Variants in RB1CC1 observed in about 807,000 individuals in gnomAD.
The protein encoded by RB1CC1 is RB1-inducible coiled-coil protein 1.
In RB1CC1, 46 loss-of-function variants were observed where a neutral mutation model predicts 177.5. The observed-to-expected ratio is 0.26, with a 90% CI of 0.20 to 0.33. The LOEUF is 0.33. RB1CC1 is among the 10% of genes least tolerant of loss of function. RB1CC1 has a pLI of 1.00. For synonymous variants in RB1CC1, 666 were observed against 613.6 expected (o/e 1.09, Z -1.26); for missense variants, 1,703 against 1,816.3 (o/e 0.94, Z 1.13).
At chr8:52,705,670 A>G (rs768773684) in intron 1 of RB1CC1, among the ~76,000 whole-genome samples, 3 of 152,190 alleles carry the variant, frequency 2.0e-5, no homozygotes, top group Non-Finnish European at 4.4e-5. Context: ...ATGAATTTAA[A>G]AACTATCAAT....
At chr8:52,683,414 TA>T (rs1184977861) in intron 5 of RB1CC1, 134 bp downstream of exon 5, 1 of 749,910 alleles carries the variant, frequency 1.3e-6, no homozygotes, top group African/African-American at 1.8e-5. Flanking sequence ...TAAAACTAGA[TA>T]TATTAACCGG....
In RB1CC1 at chr8:52,671,717, T is replaced by C. The variant is rs1341301583; in HGVS notation, c.1002+2128A>G. ...TATATTTTTTAACTTCAAACATTTA[T>C]TTTAAATTCTGGCATACACGTGCAG... On this transcript the variant is annotated intron_variant, in intron 7 of 23. Transcript: ENST00000025008. Among the ~76,000 whole-genome samples, 3 of 152,336 alleles carry C rather than the reference T, an allele frequency of 2.0e-5. No homozygotes were observed. In the East Asian group the frequency reaches 5.8e-4, roughly 29 times the overall value.
chr8:52,629,191 A>T (rs1848591947), intron 21 of RB1CC1, among the ~76,000 whole-genome samples: 2 of 152,240 alleles, frequency 1.3e-5, no homozygotes, highest in Non-Finnish European at 2.9e-5. Flanking sequence ...AATCACAGAT[A>T]TCTGACAACC....
At chr8:52,646,281 G>C (rs1850024696) in intron 15 of RB1CC1, among the ~76,000 whole-genome samples, 1 of 152,020 alleles carries the variant, frequency 6.6e-6, no homozygotes, top group African/African-American at 2.4e-5. Context: ...TGGCAACAAA[G>C]TGAGACCCCG....
At chr8:52,706,877 G>T (rs1459024047) in intron 1 of RB1CC1, among the ~76,000 whole-genome samples, 1 of 152,024 alleles carries the variant, frequency 6.6e-6, no homozygotes, top group Non-Finnish European at 1.5e-5. Flanking sequence ...GGCCAGGCTG[G>T]TCTCAAACTC....
Position 52,702,532 on chromosome 8 carries a change from A to G in RB1CC1, c.-167+11543T>C, listed in dbSNP as rs912459990. 6.6e-5 allele frequency among the ~76,000 whole-genome samples: 10 copies of G among 152,118 alleles called. No homozygotes were observed. In the East Asian group the frequency reaches 1.9e-3, roughly 29 times the overall value. On this transcript the variant is annotated intron_variant, in intron 1 of 23. Coordinates refer to ENST00000025008, the MANE Select transcript of RB1CC1 (RefSeq NM_014781.5). ...AGGAGTTCGAGACTGCCTGGCCAAC[A>G]TGGTGAAACCCCATCTCTACTGAAA...
At chr8:52,690,306 A>C (rs895043517) in intron 1 of RB1CC1, among the ~76,000 whole-genome samples, 7 of 152,226 alleles carry the variant, frequency 4.6e-5, no homozygotes, top group African/African-American at 1.7e-4. Context: ...ATATTCCTTC[A>C]TTCATTCATT....
At chr8:52,710,218 TGAGTAG>T (rs1256603945) in intron 1 of RB1CC1, among the ~76,000 whole-genome samples, 1 of 152,078 alleles carries the variant, frequency 6.6e-6, no homozygotes, top group East Asian at 1.9e-4. Flanking sequence ...GAATGAAAGA[TGAGTAG>T]GTCAGGCATT....
intron 1 of RB1CC1, among the ~76,000 whole-genome samples, chr8:52,687,947 C>A (rs940943361): frequency 5.3e-5 from 8 of 152,156 alleles, no homozygotes; most frequent in African/African-American, 1.4e-4. Flanking sequence ...AACAGAGCGA[C>A]CAGCTGGAGC....
At chr8:52,632,408 A>T (rs1240248712) in intron 20 of RB1CC1, among the ~76,000 whole-genome samples, 1 of 152,234 alleles carries the variant, frequency 6.6e-6, no homozygotes, top group Non-Finnish European at 1.5e-5. Context: ...AATAATAACT[A>T]GGAAGGCCTA....
chr8:52,669,124 T>C (rs1852333059), intron 7 of RB1CC1, among the ~76,000 whole-genome samples: 1 of 152,216 alleles, frequency 6.6e-6, no homozygotes, highest in Non-Finnish European at 1.5e-5. Context: ...AACATCTACA[T>C]TTGGGTAGCA....
At chr8:52,647,988 C>T (rs998668992) in intron 15 of RB1CC1, among the ~76,000 whole-genome samples, 2 of 152,042 alleles carry the variant, frequency 1.3e-5, no homozygotes, top group Non-Finnish European at 1.5e-5. Flanking sequence ...CATGCACAGG[C>T]AGTACTTATA....
intron 1 of RB1CC1, among the ~76,000 whole-genome samples, chr8:52,709,773 C>T (rs573380094): frequency 1.3e-5 from 2 of 152,328 alleles, no homozygotes; most frequent in African/African-American, 2.4e-5. Flanking sequence ...AAACAGAATT[C>T]GCTTCCTTAT....
At chr8:52,701,883 T>C (rs768175540) in intron 1 of RB1CC1, among the ~76,000 whole-genome samples, 5 of 152,066 alleles carry the variant, frequency 3.3e-5, no homozygotes, top group Non-Finnish European at 1.5e-5. Flanking sequence ...CTCAGCTCAC[T>C]GCAACCTCCG....
chr8:52,692,302 AT>A (rs1427563516), intron 1 of RB1CC1, among the ~76,000 whole-genome samples: 6 of 152,184 alleles, frequency 3.9e-5, no homozygotes, highest in Admixed American at 3.3e-4. Flanking sequence ...ATAAAACTCC[AT>A]GATACCTACT....
At chr8:52,646,931 G>A (rs887929801) in intron 15 of RB1CC1, among the ~76,000 whole-genome samples, 1 of 152,012 alleles carries the variant, frequency 6.6e-6, no homozygotes, top group Non-Finnish European at 1.5e-5. Context: ...TCAAAAAGTT[G>A]CTGTTACTAA....
At chr8:52,624,849 T>A in intron 22 of RB1CC1, 62 bp from the exon 23 acceptor site, 3 of 1,232,354 alleles carry the variant, frequency 2.4e-6, no homozygotes, top group African/African-American at 3.2e-5. Flanking sequence ...CATGGAAACA[T>A]AACTGCCAGA....
rs189912711 is a variant in RB1CC1 at position 52,686,582 on chromosome 8, G to A, written c.-52+271C>T. On this transcript the variant is annotated intron_variant, in intron 2 of 23. Transcript: ENST00000025008. Reference sequence around the variant, plus strand: ...AGAAAGAAAAAAAACTTAAAATAATGACATAAAAAGGGGACAGATTTCATG... The same window carrying A: ...AGAAAGAAAAAAAACTTAAAATAATAACATAAAAAGGGGACAGATTTCATG... Among the ~76,000 whole-genome samples the A allele has an allele frequency of 1.5e-4, 23 of 152,070 alleles. No homozygotes were observed. The East Asian group carries it at 4.3e-3, about 28-fold the overall frequency.
chr8:52,695,738 GCT>G (rs1000521292), intron 1 of RB1CC1, among the ~76,000 whole-genome samples: 4 of 152,216 alleles, frequency 2.6e-5, no homozygotes, highest in African/African-American at 9.7e-5. Context: ...ATGGCCAGAA[GCT>G]CTGAGTTTGG....
Sources: allele counts gnomAD v4.1 joint callset (sites outside exome capture counted in the v4.1 genomes callset), GRCh38; gene constraint gnomAD v4.1.1; transcripts MANE v1.5; gene names NCBI Gene and HGNC (gene_info 2026-07-23, HGNC 2026-07-21).